PLCD1: variants seen among roughly 807,000 people sequenced by gnomAD.
PLCD1 encodes the protein phospholipase C delta 1.
Under a neutral mutation model 87.4 loss-of-function variants are expected in PLCD1, and 71 were observed. The observed-to-expected ratio is 0.81, with a 90% CI of 0.67 to 0.99. PLCD1 has a LOEUF of 0.99. PLCD1 is among the 50% of genes least tolerant of loss of function. PLCD1 has a pLI of 0.00. For synonymous variants in PLCD1, 348 were observed against 399.2 expected, an observed-to-expected ratio of 0.87 and a Z score of 1.53; for missense variants, 867 against 1,001.5, an observed-to-expected ratio of 0.87 and a Z score of 1.81.
At chr3:38,013,424 AG>A (rs1700112610) in intron 3 of PLCD1, among the ~76,000 whole-genome samples, 1 of 151,830 alleles carries the variant, frequency 6.6e-6, no homozygotes, top group Non-Finnish European at 1.5e-5. Flanking sequence ...CGTGTTAGCC[AG>A]GATGGTCTCG....
rs1700342965 is a variant in PLCD1, at chr3:38,029,581, C to G, written c.-42G>C. The G allele has an allele frequency of 1.3e-6, 2 of 1,531,184 alleles. No individual in the cohort carries two copies. The highest frequency in any genetic ancestry group is 1.8e-6 in the Non-Finnish European group (2 of 1,142,610). 94.8% of individuals were successfully genotyped at this position (1,531,184 alleles called of 1,614,324 possible). ...GGCGGGAGGGGCACCGCGGGACTCA[C>G]TTGAGTAGCGACAGCACCGGCGGCC... On this transcript the variant is annotated 5_prime_UTR_variant, in exon 1 of 15. Coordinates refer to ENST00000334661, the MANE Select transcript of PLCD1 (RefSeq NM_006225.4).
chr3:38,007,718 CAT>C lies in PLCD1; in HGVS notation c.*53_*54del. 7.6e-7 allele frequency: 1 copy of C among 1,313,836 alleles called. No individual in the cohort carries two copies. The highest frequency in any genetic ancestry group is 1.1e-6 in the Non-Finnish European group (1 of 907,872). 81.4% of individuals were successfully genotyped at this position (1,313,836 alleles called of 1,614,324 possible). ...AGCAGCCACACCAGCCCTGTCCCCACATGTGGACAGAGGGCCCAGCCCACTCA... is the reference window on the plus strand; with the variant it reads ...AGCAGCCACACCAGCCCTGTCCCCACGTGGACAGAGGGCCCAGCCCACTCA... On this transcript the variant is annotated 3_prime_UTR_variant, in exon 15 of 15. Coordinates refer to ENST00000334661, the MANE Select transcript of PLCD1 (RefSeq NM_006225.4).
chr3:38,020,921 A>G (rs3753168), intron 1 of PLCD1, among the ~76,000 whole-genome samples: 101,048 of 151,972 alleles, frequency 0.66, 33,920 homozygotes, highest in African/African-American at 0.76. Flanking sequence ...CCTTCCCAAC[A>G]AGCTGTGTGA....
chr3:38,009,641 TC>T lies in PLCD1; in HGVS notation c.1446+11del. 6.2e-7 allele frequency: 1 copy of T among 1,613,630 alleles called. No individual in the cohort carries two copies. Among genetic ancestry groups the T allele is most frequent in the Non-Finnish European group, 8.5e-7 (1 of 1,179,868 alleles). The stretch of plus-strand genomic sequence containing the variant: ...GGCCCGGGCTGCCCCACCCCACAGC[TC>T]CCCCTCAAACCTTGGGCTTGTGCTG... On this transcript the variant is annotated intron_variant, in intron 9 of 14. Transcript: ENST00000334661.
intron 8 of PLCD1, 33 bp downstream of exon 8, chr3:38,009,871 C>T (rs780480910): frequency 4.4e-5 from 70 of 1,600,702 alleles, no homozygotes; most frequent in Non-Finnish European, 5.9e-5. Context: ...GCTCCCCACC[C>T]TCCCCCAGGG....
chr3:38,016,562 C>T lies in PLCD1; in HGVS notation c.357G>A (p.Gln119=). The T allele has an allele frequency of 6.2e-7, 1 of 1,614,082 alleles. No homozygotes were observed. Among genetic ancestry groups the T allele is most frequent in the Non-Finnish European group, 8.5e-7 (1 of 1,179,960 alleles). ...TCTTGTGCAGCCCCAGCACCCAGTG[C>T]TGGGCATCAGCTGGCGATGGGGCGA... ...DLIAPSPADA[Q]HWVLGLHKII... Residue 119 remains glutamine, a synonymous_variant, in exon 3 of 15, where the codon CAG becomes CAA. Coordinates refer to ENST00000334661, the MANE Select transcript of PLCD1 (RefSeq NM_006225.4).
intron 1 of PLCD1, among the ~76,000 whole-genome samples, chr3:38,029,079 G>T (rs1375310863): frequency 6.6e-6 from 1 of 152,276 alleles, no homozygotes; most frequent in African/African-American, 2.4e-5. Flanking sequence ...CGCGGTCCAG[G>T]CACGCCCAGG....
rs79357642 is a variant in PLCD1 at position 38,010,840 on chromosome 3, C to G, written c.791-278G>C. Among the ~76,000 whole-genome samples the G allele has an allele frequency of 2.4e-3, 360 of 152,288 alleles. 21 individuals carry two copies. In the East Asian group the frequency reaches 0.064, roughly 27 times the overall value. On this transcript the variant is annotated intron_variant, in intron 5 of 14. Coordinates refer to ENST00000334661, the MANE Select transcript of PLCD1 (RefSeq NM_006225.4). ...GTTCTCTGTACCTCCAGACTGGAGC[C>G]CCCTCCAGGGCAGGGACCCATCTTC...
In PLCD1 at chr3:38,011,325, T is replaced by C. The variant is rs1700072390; in HGVS notation, c.679A>G (p.Thr227Ala). Residue 227 changes from threonine (T) to alanine (A), a missense_variant, in exon 5 of 15, where the codon ACT becomes GCT. Thr to Ala is a moderately conservative substitution (Grantham distance 58, BLOSUM62 0). Transcript: ENST00000334661. ...GTCACTAACTGATCCACCGACAGAG[T>C]CTCCCCTGAGCCCGCGGCCTCGGCG... is the stretch of plus-strand genomic sequence containing the variant. ...TFAEAAGSGE[T>A]LSVDQLVTFL... 3 of 1,612,092 alleles carry C rather than the reference T, an allele frequency of 1.9e-6. No individual in the cohort carries two copies. Among genetic ancestry groups the C allele is most frequent in the Non-Finnish European group, 1.7e-6 (2 of 1,179,980 alleles).
chr3:38,020,010 C>T (rs1267142832), intron 2 of PLCD1, among the ~76,000 whole-genome samples, 178 bp downstream of exon 2: 1 of 152,160 alleles, frequency 6.6e-6, no homozygotes, highest in Non-Finnish European at 1.5e-5. Context: ...TGCTCCCCAA[C>T]CCCAGCCAGC....
At chr3:38,024,961 G>C (rs963552392) in intron 1 of PLCD1, among the ~76,000 whole-genome samples, 2 of 152,248 alleles carry the variant, frequency 1.3e-5, no homozygotes, top group Non-Finnish European at 2.9e-5. Context: ...CGCGGAGGCG[G>C]AGTGGGACAA....
At chr3:38,024,554 G>T in intron 1 of PLCD1, 1 of 1,509,778 alleles carries the variant, frequency 6.6e-7, no homozygotes, top group Non-Finnish European at 8.9e-7. Flanking sequence ...CCTTGGAGGG[G>T]AGCAGGGGCG....
In PLCD1 at chr3:38,009,816, G is replaced by C. The variant is rs767496970; in HGVS notation, c.1288-5C>G. On this transcript the variant is annotated splice_region_variant and splice_polypyrimidine_tract_variant and intron_variant, in intron 8 of 14. Coordinates refer to ENST00000334661, the MANE Select transcript of PLCD1 (RefSeq NM_006225.4). Reference sequence around the variant, plus strand: ...CAGGATCTTCCCCTTCAGTTGCTAGGTGGGGAGGGGCAACTGGTCAAGACA... The same window carrying C: ...CAGGATCTTCCCCTTCAGTTGCTAGCTGGGGAGGGGCAACTGGTCAAGACA... The C allele has an allele frequency of 2.5e-6, 4 of 1,613,810 alleles. No individual in the cohort carries two copies. In the East Asian group the frequency reaches 8.9e-5, roughly 36 times the overall value.
chr3:38,019,166 C>T (rs1700198017), intron 2 of PLCD1: 1 of 152,302 alleles, frequency 6.6e-6, no homozygotes, highest in South Asian at 2.1e-4. Context: ...CCCCATCTCC[C>T]CACCCACACC....
chr3:38,012,705 C>T (rs1295507140), intron 3 of PLCD1, among the ~76,000 whole-genome samples: 4 of 151,858 alleles, frequency 2.6e-5, no homozygotes, highest in East Asian at 1.9e-4. Context: ...TTAGTTGAGA[C>T]GGGGTTTCAG....
intron 3 of PLCD1, among the ~76,000 whole-genome samples, chr3:38,013,175 C>T (rs1023317545): frequency 6.6e-6 from 1 of 151,638 alleles, no homozygotes; most frequent in African/African-American, 2.4e-5. Flanking sequence ...GAGGTGTGAG[C>T]CGCCGAGCCC....
chr3:38,011,351 A>T lies in PLCD1; in HGVS notation c.653T>A (p.Phe218Tyr). The T allele has an allele frequency of 1.9e-6, 3 of 1,612,740 alleles. No homozygotes were observed. The highest frequency in any genetic ancestry group is 1.7e-6 in the Non-Finnish European group (2 of 1,179,992). ...CTCCCCTGAGCCCGCGGCCTCGGCG[A>T]AGGTGCGGTCGATCTCCACCCGCTG... ...LTQRVEIDRTFAEAAGSGETL... is the reference protein window; with the variant it reads ...LTQRVEIDRTYAEAAGSGETL... The change falls in exon 5 of 15, where the codon TTC becomes TAC. Residue 218 changes from phenylalanine to tyrosine, a missense_variant. Coordinates refer to ENST00000334661, the MANE Select transcript of PLCD1 (RefSeq NM_006225.4).
At chr3:38,024,328 GC>G in intron 1 of PLCD1, 1 of 1,611,096 alleles carries the variant, frequency 6.2e-7, no homozygotes, top group Non-Finnish European at 8.5e-7. Flanking sequence ...AGTGCTCTGC[GC>G]CCCTTACCCA....
chr3:38,010,034 A>T lies in PLCD1; in HGVS notation c.1157T>A (p.Ile386Asn), dbSNP rs1376235230. The T allele has an allele frequency of 6.2e-7, 1 of 1,614,172 alleles. No homozygotes were observed. ...TGTGCAGTGGTTCTCCAGGGATAGG[A>T]TGACAGGGTAGGGGGACGCCTGGAG... ...YAFKASPYPV[I>N]LSLENHCTLE... is the part of the protein sequence containing the mutation. Residue 386 changes from isoleucine to asparagine, a missense_variant, in exon 8 of 15, where the codon ATC becomes AAC. Transcript: ENST00000334661.
Sources: gnomAD v4.1 joint callset for allele counts (sites outside exome capture counted in the v4.1 genomes callset) on GRCh38, gnomAD v4.1.1 for gene constraint, MANE v1.5 for transcripts, NCBI Gene and HGNC (gene_info 2026-07-23, HGNC 2026-07-21) for gene names.